LUZP2: variants seen among roughly 807,000 people sequenced by gnomAD.
LUZP2 encodes leucine zipper protein 2.
LUZP2 carries 52 observed loss-of-function variants against 51.6 expected under a neutral mutation model. The ratio of observed to expected loss-of-function variants is 1.01; its 90% CI spans 0.81 to 1.27. The LOEUF (loss-of-function observed/expected upper bound fraction) is 1.27, where lower values mean the gene tolerates loss of function less well. Ranked by LOEUF, LUZP2 falls within the 50% of genes most tolerant of loss-of-function variation. LUZP2 has a pLI of 0.00. For synonymous variants in LUZP2, 154 were observed against 137.3 expected (o/e 1.12, Z -0.85); for missense variants, 436 against 395.4 (o/e 1.10, Z -0.87).
chr11:25,004,142 G>A (rs1488690851), intron 9 of LUZP2, among the ~76,000 whole-genome samples: 1 of 152,176 alleles, frequency 6.6e-6, no homozygotes, highest in Non-Finnish European at 1.5e-5. Flanking sequence ...GGCACCCTGA[G>A]TCCAGTTGTT....
chr11:24,907,298 A>G (rs1340510487), intron 6 of LUZP2, among the ~76,000 whole-genome samples: 2 of 124,062 alleles, frequency 1.6e-5, no homozygotes, highest in Admixed American at 8.5e-5. Flanking sequence ...TAACACAAAT[A>G]CAAAAAAAAA....
In LUZP2 at chr11:25,079,630, CT is replaced by C. The variant is rs2134066379; in HGVS notation, c.*973del. On this transcript the variant is annotated 3_prime_UTR_variant, in exon 12 of 12. Transcript: ENST00000336930. ...GTTCTGATTTTCTATAGGAATATCACTAATCAAAAAAATGCACTCATGAATA... is the reference window on the plus strand; with the variant it reads ...GTTCTGATTTTCTATAGGAATATCACAATCAAAAAAATGCACTCATGAATA... 1 of 152,156 alleles carries C rather than the reference CT, an allele frequency of 6.6e-6. No individual in the cohort carries two copies. Among genetic ancestry groups the C allele is most frequent in the African/African-American group, 2.4e-5 (1 of 41,542 alleles). 9.4% of individuals were successfully genotyped at this position (152,156 alleles called of 1,614,324 possible).
chr11:24,569,784 C>T (rs1852371096), intron 1 of LUZP2, among the ~76,000 whole-genome samples: 1 of 151,864 alleles, frequency 6.6e-6, no homozygotes, highest in African/African-American at 2.4e-5. Flanking sequence ...AAACTGCTGA[C>T]ATAACTACTT....
Position 24,692,380 on chromosome 11 carries a change from A to G in LUZP2, c.63-36789A>G, listed in dbSNP as rs187332703. ...TAAGTCACAAGCAGGTGATACAAGTAAAAACAAGGAAAGTAGTAAAGGCTA... is the reference window on the plus strand; with the variant it reads ...TAAGTCACAAGCAGGTGATACAAGTGAAAACAAGGAAAGTAGTAAAGGCTA... On this transcript the variant is annotated intron_variant, in intron 1 of 11. Coordinates refer to ENST00000336930, the MANE Select transcript of LUZP2 (RefSeq NM_001009909.4). 3.8e-3 allele frequency among the ~76,000 whole-genome samples: 585 copies of G among 152,204 alleles called. 2 individuals are homozygous for G. Among genetic ancestry groups the G allele is most frequent in the African/African-American group, 0.014 (569 of 41,570 alleles).
At chr11:24,927,852 A>G (rs1331265638) in intron 7 of LUZP2, among the ~76,000 whole-genome samples, 2 of 151,926 alleles carry the variant, frequency 1.3e-5, no homozygotes, top group African/African-American at 4.8e-5. Flanking sequence ...CACGATATTG[A>G]TTCTACCCAT....
chr11:24,932,771 G>T (rs1854492855), intron 7 of LUZP2, among the ~76,000 whole-genome samples: 1 of 152,144 alleles, frequency 6.6e-6, no homozygotes, highest in South Asian at 2.1e-4. Flanking sequence ...ACGCCTCCCT[G>T]CCTGCCGCAG....
chr11:24,661,889 G>T (rs916501366), intron 1 of LUZP2, among the ~76,000 whole-genome samples: 1 of 152,078 alleles, frequency 6.6e-6, no homozygotes, highest in African/African-American at 2.4e-5. Flanking sequence ...AATGCCTGAA[G>T]TAGACATATA....
At chr11:24,739,860 A>G (rs1046046684) in intron 4 of LUZP2, among the ~76,000 whole-genome samples, 1 of 152,092 alleles carries the variant, frequency 6.6e-6, no homozygotes, top group African/African-American at 2.4e-5. Flanking sequence ...TAGGACGGGC[A>G]TGTGGGTTCA....
At chr11:24,685,851 A>C (rs547329239) in intron 1 of LUZP2, among the ~76,000 whole-genome samples, 35 of 152,326 alleles carry the variant, frequency 2.3e-4, no homozygotes, top group African/African-American at 8.2e-4. Flanking sequence ...ATGAATAAAT[A>C]AATAGTTTCC....
At chr11:24,824,342 A>C (rs1387814107) in intron 5 of LUZP2, among the ~76,000 whole-genome samples, 1 of 138,172 alleles carries the variant, frequency 7.2e-6, no homozygotes, top group Non-Finnish European at 1.5e-5. Context: ...CTCCAGCCTG[A>C]GCAAGAAGAG....
intron 7 of LUZP2, among the ~76,000 whole-genome samples, chr11:24,954,827 T>C (rs561323266): frequency 6.6e-6 from 1 of 152,208 alleles, no homozygotes; most frequent in Admixed American, 6.6e-5. Flanking sequence ...CAAGATAGTA[T>C]AACATAGACG....
chr11:24,968,894 G>T (rs1016879967), intron 7 of LUZP2, among the ~76,000 whole-genome samples: 2 of 152,162 alleles, frequency 1.3e-5, no homozygotes, highest in Non-Finnish European at 2.9e-5. Context: ...ATATTTCAAG[G>T]TTCGTAGCCT....
chr11:24,683,487 A>G (rs1229128955), intron 1 of LUZP2, among the ~76,000 whole-genome samples: 3 of 152,182 alleles, frequency 2.0e-5, no homozygotes, highest in Non-Finnish European at 2.9e-5. Flanking sequence ...ACTCACTTTT[A>G]GTGGTAATAA....
At chr11:24,517,116 T>C (rs963471864) in intron 1 of LUZP2, among the ~76,000 whole-genome samples, 3 of 152,138 alleles carry the variant, frequency 2.0e-5, no homozygotes, top group East Asian at 3.9e-4. Flanking sequence ...GAAATCTTAT[T>C]TGAAATCTTA....
At chr11:25,025,808 A>G (rs1413781830) in intron 9 of LUZP2, among the ~76,000 whole-genome samples, 3 of 152,190 alleles carry the variant, frequency 2.0e-5, no homozygotes, top group Non-Finnish European at 4.4e-5. Context: ...TACCCAAAGG[A>G]TTATAAATCA....
intron 7 of LUZP2, among the ~76,000 whole-genome samples, chr11:24,951,594 A>G (rs1308784454): frequency 6.6e-6 from 1 of 151,322 alleles, no homozygotes; most frequent in Non-Finnish European, 1.5e-5. Context: ...TTTTATCTTC[A>G]CTCGTGGCTT....
chr11:24,943,676 G>A (rs1054074423), intron 7 of LUZP2, among the ~76,000 whole-genome samples: 4 of 151,984 alleles, frequency 2.6e-5, no homozygotes, highest in Non-Finnish European at 5.9e-5. Context: ...TCAGGAGTTC[G>A]AGACCAGCCT....
chr11:24,885,268 GT>G (rs1364348328), intron 5 of LUZP2, among the ~76,000 whole-genome samples: 1 of 151,996 alleles, frequency 6.6e-6, no homozygotes, highest in Non-Finnish European at 1.5e-5. Context: ...TCTTCTTTAT[GT>G]TTACAAAATG....
chr11:24,916,806 T>C (rs557886818), intron 7 of LUZP2, among the ~76,000 whole-genome samples: 2 of 152,202 alleles, frequency 1.3e-5, no homozygotes, highest in African/African-American at 4.8e-5. Context: ...CGTGTGCATG[T>C]ATCTTTATAG....
Sources: allele counts gnomAD v4.1 joint callset (sites outside exome capture counted in the v4.1 genomes callset), GRCh38; gene constraint gnomAD v4.1.1; transcripts MANE v1.5; gene names NCBI Gene and HGNC (gene_info 2026-07-23, HGNC 2026-07-21).